Variants in ARHGEF26 observed in about 807,000 individuals in gnomAD.
The protein encoded by ARHGEF26 is Rho guanine nucleotide exchange factor 26.
Under a neutral mutation model 89.4 loss-of-function variants are expected in ARHGEF26, and 59 were observed. The ratio of observed to expected loss-of-function variants is 0.66; its 90% CI spans 0.54 to 0.82. The LOEUF (loss-of-function observed/expected upper bound fraction) is 0.82. Ranked by LOEUF, ARHGEF26 falls within the 40% of genes least tolerant of loss-of-function variation. The pLI is 0.00. For missense variants in ARHGEF26, 1,234 were observed against 1,085.6 expected, an observed-to-expected ratio of 1.14 and a Z score of -1.92; for synonymous variants, 500 against 428.4, an observed-to-expected ratio of 1.17 and a Z score of -2.06.
chr3:154,182,245 C>A (rs1713234208), intron 6 of ARHGEF26, among the ~76,000 whole-genome samples: 1 of 152,002 alleles, frequency 6.6e-6, no homozygotes, highest in Non-Finnish European at 1.5e-5. Context: ...AGTCATAGAA[C>A]AAGAGAACTT....
chr3:154,193,117 A>C (rs1714052101), intron 8 of ARHGEF26, among the ~76,000 whole-genome samples: 1 of 152,164 alleles, frequency 6.6e-6, no homozygotes, highest in Non-Finnish European at 1.5e-5. Context: ...GTATGCACAA[A>C]ATTTTACATA....
intron 5 of ARHGEF26, among the ~76,000 whole-genome samples, chr3:154,151,226 C>G (rs907342900): frequency 6.6e-5 from 10 of 152,152 alleles, no homozygotes; most frequent in African/African-American, 2.4e-4. Flanking sequence ...ATGCATGAGA[C>G]ATTATAACCC....
intron 7 of ARHGEF26, 120 bp downstream of exon 7, chr3:154,187,957 C>A: frequency 1.0e-6 from 1 of 989,740 alleles, no homozygotes; most frequent in Non-Finnish European, 1.4e-6. Context: ...AGGCTATTTC[C>A]CAGAGGAGAA....
At chr3:154,159,050 C>T (rs1711517876) in intron 6 of ARHGEF26, among the ~76,000 whole-genome samples, 1 of 151,990 alleles carries the variant, frequency 6.6e-6, no homozygotes, top group Admixed American at 6.6e-5. Context: ...TTTAGAAACT[C>T]TAAGGTCTAA....
intron 6 of ARHGEF26, among the ~76,000 whole-genome samples, chr3:154,180,960 ATGTAT>A (rs537609588): frequency 2.0e-5 from 3 of 152,194 alleles, no homozygotes; most frequent in African/African-American, 7.2e-5. Context: ...ACTGATTTTG[ATGTAT>A]TGTTAATGGC....
intron 9 of ARHGEF26, among the ~76,000 whole-genome samples, chr3:154,204,579 C>G (rs1198835444): frequency 1.3e-5 from 2 of 152,054 alleles, no homozygotes; most frequent in Admixed American, 6.5e-5. Flanking sequence ...ATCCCCCCGC[C>G]TCGGCCTACC....
intron 13 of ARHGEF26, among the ~76,000 whole-genome samples, chr3:154,254,403 A>G (rs1009914049): frequency 6.6e-6 from 1 of 152,094 alleles, no homozygotes; most frequent in African/African-American, 2.4e-5. Flanking sequence ...CAACTCTTTC[A>G]TGTCTCAGTT....
chr3:154,237,065 C>T lies in ARHGEF26; in HGVS notation c.2091-3305C>T, dbSNP rs867251307. Reference sequence around the variant, plus strand: ...CATATAGCTGTGATTAGGGCAGCCACAGTTTATCATTCAAACTGGACATTT... The same window carrying T: ...CATATAGCTGTGATTAGGGCAGCCATAGTTTATCATTCAAACTGGACATTT... On this transcript the variant is annotated intron_variant, in intron 11 of 14. Transcript: ENST00000465093. Among the ~76,000 whole-genome samples, 6 of 152,246 alleles carry T rather than the reference C, an allele frequency of 3.9e-5. No individual in the cohort carries two copies. The South Asian group carries it at 1.2e-3, about 32-fold the overall frequency.
Position 154,231,201 on chromosome 3 carries a change from G to T in ARHGEF26, c.2090+5191G>T, listed in dbSNP as rs113929108. ...CAAGATGGCAAGATGGGGTGGAAAA[G>T]AAATGGGAGCCCTGTTTCCTTTTTG... On this transcript the variant is annotated intron_variant, in intron 11 of 14. Transcript: ENST00000465093. Among the ~76,000 whole-genome samples the T allele has an allele frequency of 1.4e-3, 215 of 152,314 alleles. 2 individuals are homozygous for T. The highest frequency in any genetic ancestry group is 4.9e-3 in the African/African-American group (205 of 41,578).
intron 9 of ARHGEF26, among the ~76,000 whole-genome samples, chr3:154,196,752 C>T (rs756238260): frequency 1.1e-4 from 17 of 151,930 alleles, no homozygotes; most frequent in Non-Finnish European, 2.2e-4. Flanking sequence ...GACCTCAAGT[C>T]CTGTGCTGCT....
intron 4 of ARHGEF26, among the ~76,000 whole-genome samples, chr3:154,137,808 T>G (rs1719103574): frequency 2.0e-5 from 1 of 49,710 alleles, no homozygotes; most frequent in African/African-American, 1.0e-4. Flanking sequence ...GAGACCCCTA[T>G]CTCTTAAAAA....
intron 11 of ARHGEF26, among the ~76,000 whole-genome samples, chr3:154,236,700 A>G (rs1481350162): frequency 6.6e-6 from 1 of 152,144 alleles, no homozygotes; most frequent in East Asian, 1.9e-4. Flanking sequence ...AACGGGCTTT[A>G]AACAGCTGCA....
intron 6 of ARHGEF26, among the ~76,000 whole-genome samples, chr3:154,181,239 A>G (rs937969256): frequency 6.6e-6 from 1 of 152,216 alleles, no homozygotes; most frequent in African/African-American, 2.4e-5. Flanking sequence ...TTCCAGCAGC[A>G]CATACTTCGC....
chr3:154,123,119 A>C, intron 2 of ARHGEF26, 44 bp downstream of exon 2: 1 of 1,606,394 alleles, frequency 6.2e-7, no homozygotes, highest in East Asian at 2.2e-5. Context: ...CTAAGCGGAA[A>C]GTAAATGTGT....
At position 154,253,178 on chromosome 3, in the gene ARHGEF26, G is replaced by T. The variant is rs774495050; in HGVS notation, c.2363G>T (p.Arg788Leu). ...AGCAGCGGGAAGCCGCCTGCAGACC[G>T]AACCTGTAAGTTCTCTCAAGGGGAA... Reference protein sequence around the residue: ...GHSSGKPPADRTSLTQVEIVR... With the variant: ...GHSSGKPPADLTSLTQVEIVR... The change falls in exon 13 of 15, where the codon CGA becomes CTA. Residue 788 changes from arginine (R) to leucine (L), a missense_variant. Coordinates refer to ENST00000465093, the MANE Select transcript of ARHGEF26 (RefSeq NM_015595.4). The T allele has an allele frequency of 1.2e-6, 2 of 1,614,006 alleles. No individual in the cohort carries two copies.
intron 9 of ARHGEF26, among the ~76,000 whole-genome samples, chr3:154,210,337 C>G (rs1715284981): frequency 6.6e-6 from 1 of 152,054 alleles, no homozygotes; most frequent in South Asian, 2.1e-4. Flanking sequence ...TATTCAGGGC[C>G]CAAGGGCTCT....
chr3:154,222,475 C>T (rs914295949), intron 10 of ARHGEF26, among the ~76,000 whole-genome samples: 3 of 151,602 alleles, frequency 2.0e-5, no homozygotes, highest in African/African-American at 7.3e-5. Flanking sequence ...GCATCACTTA[C>T]CTTTTCATGT....
intron 11 of ARHGEF26, among the ~76,000 whole-genome samples, chr3:154,239,830 A>T (rs1717382141): frequency 1.3e-5 from 2 of 152,152 alleles, no homozygotes; most frequent in Non-Finnish European, 2.9e-5. Context: ...TAATGAGATT[A>T]GTCCTGGTGG....
At chr3:154,126,526 C>G (rs1384939331) in intron 3 of ARHGEF26, among the ~76,000 whole-genome samples, 3 of 152,148 alleles carry the variant, frequency 2.0e-5, no homozygotes, top group Non-Finnish European at 4.4e-5. Context: ...CCTAGGTAGT[C>G]AATGTTTTGC....
Sources: allele counts gnomAD v4.1 joint callset (sites outside exome capture counted in the v4.1 genomes callset), GRCh38; gene constraint gnomAD v4.1.1; transcripts MANE v1.5; gene names NCBI Gene and HGNC (gene_info 2026-07-23, HGNC 2026-07-21).